CNTN4: variants seen among roughly 807,000 people sequenced by gnomAD.
CNTN4 encodes contactin-4.
CNTN4 carries 77 observed loss-of-function variants against 122.5 expected under a neutral mutation model. The observed-to-expected ratio is 0.63, with a 90% CI of 0.52 to 0.76. The LOEUF (loss-of-function observed/expected upper bound fraction) is 0.76. CNTN4 is among the 30% of genes least tolerant of loss of function. CNTN4 has a pLI of 0.00. For synonymous variants in CNTN4, 512 were observed against 447.0 expected (o/e 1.15, Z -1.83); for missense variants, 1,256 against 1,259.1 (o/e 1.00, Z 0.04).
intron 3 of CNTN4, among the ~76,000 whole-genome samples, chr3:2,531,602 C>G (rs1234710354): frequency 1.3e-5 from 2 of 152,098 alleles, no homozygotes; most frequent in African/African-American, 4.8e-5. Flanking sequence ...CATTGGATGT[C>G]CATTTACTCT....
rs74282231 is a variant in CNTN4 at position 2,572,967 on chromosome 3, C to T, written c.55+1409C>T. Among the ~76,000 whole-genome samples, 557 of 152,198 alleles carry T rather than the reference C, an allele frequency of 3.7e-3. 22 individuals are homozygous for T. The East Asian group carries it at 0.076, about 21-fold the overall frequency. On this transcript the variant is annotated intron_variant, in intron 4 of 24. Transcript: ENST00000418658. ...TATCCTTTATCCAATTTCTTTCTTC[C>T]ACGACCCTTAAGAAGTAAGCATTTA...
At chr3:2,938,056 A>G (rs1397746294) in intron 13 of CNTN4, among the ~76,000 whole-genome samples, 8 of 152,236 alleles carry the variant, frequency 5.3e-5, no homozygotes, top group Non-Finnish European at 1.2e-4. Flanking sequence ...GAATGAATAT[A>G]AAATAATAGT....
At chr3:2,160,087 A>G (rs748283349) in intron 2 of CNTN4, among the ~76,000 whole-genome samples, 3 of 152,180 alleles carry the variant, frequency 2.0e-5, no homozygotes, top group Non-Finnish European at 2.9e-5. Context: ...ATAGTTTCCT[A>G]ATTTGCTTAT....
intron 3 of CNTN4, among the ~76,000 whole-genome samples, chr3:2,507,612 G>C (rs972726245): frequency 6.6e-6 from 1 of 151,600 alleles, no homozygotes; most frequent in Non-Finnish European, 1.5e-5. Flanking sequence ...GCAGGCGCCT[G>C]TAATCCCAGC....
intron 4 of CNTN4, among the ~76,000 whole-genome samples, chr3:2,587,373 T>C (rs2080249275): frequency 6.6e-6 from 1 of 152,224 alleles, no homozygotes; most frequent in Non-Finnish European, 1.5e-5. Context: ...TAGAATTTTG[T>C]TGGGAAGTTA....
At chr3:2,710,472 C>A (rs769962153) in intron 4 of CNTN4, among the ~76,000 whole-genome samples, 1 of 152,174 alleles carries the variant, frequency 6.6e-6, no homozygotes, top group Non-Finnish European at 1.5e-5. Context: ...CCTGAAAGCT[C>A]TGTGTAGTTA....
At chr3:2,702,235 C>T (rs1462068425) in intron 4 of CNTN4, among the ~76,000 whole-genome samples, 2 of 152,164 alleles carry the variant, frequency 1.3e-5, no homozygotes, top group African/African-American at 2.4e-5. Context: ...TGTGACAGCA[C>T]CCATAAGTGA....
intron 4 of CNTN4, among the ~76,000 whole-genome samples, chr3:2,705,612 T>C (rs1328265827): frequency 3.3e-5 from 1 of 30,232 alleles, no homozygotes; most frequent in Admixed American, 6.0e-4. Context: ...ATTTTATATA[T>C]TTATATATAA....
chr3:2,238,735 G>GTTTT (rs66733341), intron 2 of CNTN4: 1 of 78,870 alleles, frequency 1.3e-5, no homozygotes, highest in Non-Finnish European at 2.5e-5. Flanking sequence ...TTGGCTCTGT[G>GTTTT]TTTTTTTTTT....
chr3:2,401,645 A>G (rs190317675), intron 3 of CNTN4, among the ~76,000 whole-genome samples: 3 of 152,252 alleles, frequency 2.0e-5, no homozygotes, highest in South Asian at 2.1e-4. Context: ...GCAAACAAGA[A>G]AGAAGGAAGA....
At chr3:2,704,319 A>G (rs867170425) in intron 4 of CNTN4, among the ~76,000 whole-genome samples, 1 of 150,590 alleles carries the variant, frequency 6.6e-6, no homozygotes, top group Non-Finnish European at 1.5e-5. Flanking sequence ...AAAAAAAAAA[A>G]AAGTTGATCT....
At chr3:2,501,940 A>T (rs188144757) in intron 3 of CNTN4, among the ~76,000 whole-genome samples, 109 of 152,320 alleles carry the variant, frequency 7.2e-4, no homozygotes, top group Non-Finnish European at 1.3e-3. Context: ...ACTTCATTTC[A>T]TGCAGAAAAT....
intron 5 of CNTN4, among the ~76,000 whole-genome samples, chr3:2,741,430 C>T (rs1220582313): frequency 8.5e-5 from 13 of 152,144 alleles, no homozygotes; most frequent in African/African-American, 2.7e-4. Context: ...AAAACAACAA[C>T]TCTCTAATGG....
chr3:2,677,324 T>C (rs553120223), intron 4 of CNTN4, among the ~76,000 whole-genome samples: 222 of 136,472 alleles, frequency 1.6e-3, no homozygotes, highest in Admixed American at 2.7e-3. Context: ...ATGTAACCCA[T>C]TGAGATTTTT....
chr3:2,748,463 A>C (rs1273083799), intron 6 of CNTN4, among the ~76,000 whole-genome samples: 1 of 151,948 alleles, frequency 6.6e-6, no homozygotes, highest in African/African-American at 2.4e-5. Flanking sequence ...GTTTAGTGTC[A>C]GCAGAAAATT....
At chr3:2,456,271 T>C (rs902665145) in intron 3 of CNTN4, among the ~76,000 whole-genome samples, 4 of 152,004 alleles carry the variant, frequency 2.6e-5, no homozygotes, top group African/African-American at 9.7e-5. Flanking sequence ...CCTCCTCCTC[T>C]CCCTTCTTTT....
In CNTN4 at chr3:2,281,640, A is replaced by T. The variant is rs141058268; in HGVS notation, c.-144-57538A>T. On this transcript the variant is annotated intron_variant, in intron 2 of 24. Coordinates refer to ENST00000418658, the MANE Select transcript of CNTN4 (RefSeq NM_175607.3). ...TTTTTACTTTTCCCAATTCTTGACA[A>T]CCTTCTATAGTAGTATTTCACATAT... 7.5e-3 allele frequency among the ~76,000 whole-genome samples: 1,145 copies of T among 152,150 alleles called. 9 individuals are homozygous for T. Among genetic ancestry groups the T allele is most frequent in the Middle Eastern group, 0.014 (4 of 294 alleles).
At chr3:2,317,295 T>G (rs2043138725) in intron 2 of CNTN4, among the ~76,000 whole-genome samples, 1 of 152,192 alleles carries the variant, frequency 6.6e-6, no homozygotes, top group Non-Finnish European at 1.5e-5. Context: ...GGGGTTTCAT[T>G]TAACTCAATC....
At chr3:2,210,275 A>C (rs910029544) in intron 2 of CNTN4, among the ~76,000 whole-genome samples, 2 of 152,196 alleles carry the variant, frequency 1.3e-5, no homozygotes, top group African/African-American at 4.8e-5. Flanking sequence ...AAAATACATA[A>C]AAGTATATGC....
Sources: allele counts gnomAD v4.1 joint callset (sites outside exome capture counted in the v4.1 genomes callset), GRCh38; gene constraint gnomAD v4.1.1; transcripts MANE v1.5; gene names NCBI Gene and HGNC (gene_info 2026-07-23, HGNC 2026-07-21).